The following KLRF1 variants were observed in gnomAD, a reference collection of about 807,000 sequenced individuals.
The protein encoded by KLRF1 is killer cell lectin like receptor F1.
A neutral mutation model predicts 30.7 loss-of-function variants in KLRF1; 27 were observed. The ratio of observed to expected loss-of-function variants is 0.88; its 90% CI spans 0.65 to 1.21. KLRF1 has a LOEUF of 1.21. Ranked by LOEUF, KLRF1 falls within the 50% of genes most tolerant of loss-of-function variation. The pLI is 0.00. For missense variants in KLRF1, 246 were observed against 259.3 expected (o/e 0.95, Z 0.35); for synonymous variants, 92 against 89.3 (o/e 1.03, Z -0.17).
chr12:9,821,262 T>C, the KLRF1 span, among the ~76,000 whole-genome samples: 1,700 of 151,822 alleles, frequency 0.011, 33 homozygotes, highest in African/African-American at 0.038. Context: ...GCTGAACACT[T>C]CCAGTAACAG....
intron 3 of KLRF1, among the ~76,000 whole-genome samples, chr12:9,835,197 T>G (rs1346588635): frequency 6.6e-6 from 1 of 152,104 alleles, no homozygotes; most frequent in African/African-American, 2.4e-5. Flanking sequence ...CTAGTGTGCA[T>G]GTACCTGTCC....
At chr12:9,809,717 G>T in the KLRF1 span, among the ~76,000 whole-genome samples, 1 of 151,734 alleles carries the variant, frequency 6.6e-6, no homozygotes, top group South Asian at 2.1e-4. Flanking sequence ...TGTTATTATT[G>T]TTGGAAAAAG....
chr12:9,834,605 G>A (rs1167714067), intron 3 of KLRF1, among the ~76,000 whole-genome samples: 4 of 152,012 alleles, frequency 2.6e-5, no homozygotes, highest in African/African-American at 9.7e-5. Context: ...GCCTGGATAC[G>A]GTTTTGGATG....
upstream of KLRF1, among the ~76,000 whole-genome samples, chr12:9,823,464 G>C (rs2121179055): frequency 6.6e-6 from 1 of 152,186 alleles, no homozygotes; most frequent in East Asian, 1.9e-4. Context: ...CGACATACCA[G>C]AATCTCTGAG....
chr12:9,806,008 T>A, the KLRF1 span, among the ~76,000 whole-genome samples: 1 of 152,066 alleles, frequency 6.6e-6, no homozygotes, highest in African/African-American at 2.4e-5. Context: ...TGATTTCTAT[T>A]CTCTATTTCA....
upstream of KLRF1, among the ~76,000 whole-genome samples, chr12:9,824,497 C>T (rs1292880156): frequency 1.3e-5 from 2 of 152,042 alleles, no homozygotes; most frequent in Non-Finnish European, 2.9e-5. Context: ...TGTAATAAGC[C>T]CACAGCCAAC....
the KLRF1 span, among the ~76,000 whole-genome samples, chr12:9,822,272 C>T: frequency 6.6e-6 from 1 of 152,176 alleles, no homozygotes; most frequent in Non-Finnish European, 1.5e-5. Context: ...AAGAATCACA[C>T]TAAAACAATA....
chr12:9,827,461 A>G (rs1867305631), upstream of KLRF1: 1 of 679,896 alleles, frequency 1.5e-6, no homozygotes. Flanking sequence ...GATTAGCAGC[A>G]GATTTATTAT....
the KLRF1 span, among the ~76,000 whole-genome samples, chr12:9,806,011 C>CTATT: frequency 6.6e-6 from 1 of 151,850 alleles, no homozygotes; most frequent in Non-Finnish European, 1.5e-5. Flanking sequence ...TTTCTATTCT[C>CTATT]TATTTCATTT....
At chr12:9,838,889 A>G (rs1052501240) in intron 3 of KLRF1, among the ~76,000 whole-genome samples, 1 of 152,250 alleles carries the variant, frequency 6.6e-6, no homozygotes, top group South Asian at 2.1e-4. Flanking sequence ...ATTTTTCAGG[A>G]GAATCAATCA....
chr12:9,822,310 A>G, the KLRF1 span, among the ~76,000 whole-genome samples: 2 of 152,244 alleles, frequency 1.3e-5, no homozygotes, highest in Admixed American at 6.5e-5. Flanking sequence ...AATAACCACT[A>G]TAGAAAAGAA....
chr12:9,825,664 A>G (rs980301008), upstream of KLRF1, among the ~76,000 whole-genome samples: 2 of 151,528 alleles, frequency 1.3e-5, no homozygotes, highest in African/African-American at 4.9e-5. Context: ...AAACAAAACA[A>G]ACAAACAAAA....
the KLRF1 span, among the ~76,000 whole-genome samples, chr12:9,809,625 A>G: frequency 1.3e-5 from 2 of 152,116 alleles, no homozygotes; most frequent in Non-Finnish European, 2.9e-5. Flanking sequence ...CAGAATTGAT[A>G]CCAATTCTTG....
At chr12:9,839,983 A>T (rs1252191436) in intron 3 of KLRF1, among the ~76,000 whole-genome samples, 1 of 152,160 alleles carries the variant, frequency 6.6e-6, no homozygotes, top group Non-Finnish European at 1.5e-5. Context: ...AACAAAATGC[A>T]CTACATACAT....
At chr12:9,829,585 C>G (rs1463722345) in intron 1 of KLRF1, among the ~76,000 whole-genome samples, 1 of 152,100 alleles carries the variant, frequency 6.6e-6, no homozygotes, top group East Asian at 1.9e-4. Flanking sequence ...AGACCCCCAT[C>G]TCTACAAACA....
chr12:9,814,144 G>C, the KLRF1 span, among the ~76,000 whole-genome samples: 1 of 152,146 alleles, frequency 6.6e-6, no homozygotes, highest in Non-Finnish European at 1.5e-5. Flanking sequence ...AGCCCCAAAG[G>C]TGTTCTACAC....
intron 4 of KLRF1, 29 bp from the exon 5 acceptor site, chr12:9,842,292 G>A: frequency 6.2e-7 from 1 of 1,603,934 alleles, no homozygotes; most frequent in Non-Finnish European, 8.5e-7. Context: ...AAAATATTTT[G>A]TTCATTTAGT....
chr12:9,830,447 A>T (rs1867390329), intron 1 of KLRF1, among the ~76,000 whole-genome samples: 3 of 152,090 alleles, frequency 2.0e-5, no homozygotes, highest in Admixed American at 6.6e-5. Flanking sequence ...CGTATTAAAA[A>T]GTAGTGGAGA....
chr12:9,805,766 T>A, the KLRF1 span, among the ~76,000 whole-genome samples: 1 of 152,028 alleles, frequency 6.6e-6, no homozygotes, highest in Non-Finnish European at 1.5e-5. Context: ...TCAAAAAAAT[T>A]TTTTTGTTTC....
Sources: gnomAD v4.1 joint callset for allele counts (sites outside exome capture counted in the v4.1 genomes callset) on GRCh38, gnomAD v4.1.1 for gene constraint, MANE v1.5 for transcripts, NCBI Gene and HGNC (gene_info 2026-07-23, HGNC 2026-07-21) for gene names.